The following SLIT3 variants were observed in gnomAD, a reference collection of about 807,000 sequenced individuals.
SLIT3 encodes the protein slit guidance ligand 3.
A neutral mutation model predicts 184.0 loss-of-function variants in SLIT3; 68 were observed. The ratio of observed to expected loss-of-function variants is 0.37; its 90% CI spans 0.30 to 0.45. The LOEUF is 0.45. SLIT3 is among the 20% of genes least tolerant of loss of function. The probability of loss-of-function intolerance (pLI) is 1.00; values close to 1 mark genes in which losing one functional copy is unlikely to be tolerated. For missense variants in SLIT3, 1,707 were observed against 2,026.0 expected (o/e 0.84, Z 3.02); for synonymous variants, 831 against 828.6 (o/e 1.00, Z -0.05).
chr5:169,140,300 T>A (rs1374853986), intron 4 of SLIT3, among the ~76,000 whole-genome samples: 3 of 18,560 alleles, frequency 1.6e-4, no homozygotes, highest in African/African-American at 5.7e-4. Flanking sequence ...CCGCCTCTAC[T>A]AAAAATGCAA....
At chr5:168,838,558 C>T (rs561908548) in intron 6 of SLIT3, among the ~76,000 whole-genome samples, 3 of 152,288 alleles carry the variant, frequency 2.0e-5, no homozygotes, top group African/African-American at 7.2e-5. Flanking sequence ...CCAGAGGAAG[C>T]TCAGCTGAAG....
chr5:169,052,406 G>C (rs141247673), intron 4 of SLIT3, among the ~76,000 whole-genome samples: 1 of 152,284 alleles, frequency 6.6e-6, no homozygotes, highest in East Asian at 1.9e-4. Flanking sequence ...ATAGTTAGGA[G>C]ATATTTGTGG....
In SLIT3 at chr5:168,753,104, G is replaced by C. The variant is rs1581039861; in HGVS notation, c.1830-6C>G. 1 of 1,614,026 alleles carries C rather than the reference G, an allele frequency of 6.2e-7. No individual in the cohort carries two copies. Among genetic ancestry groups the C allele is most frequent in the Non-Finnish European group, 8.5e-7 (1 of 1,179,960 alleles). Reference sequence around the variant, plus strand: ...TCAAGTTACTCCTCAGCATCCTACAGGGAGAGGGGTGGGGATGAGAGAGCA... The same window carrying C: ...TCAAGTTACTCCTCAGCATCCTACACGGAGAGGGGTGGGGATGAGAGAGCA... On this transcript the variant is annotated splice_region_variant and splice_polypyrimidine_tract_variant and intron_variant, in intron 17 of 35. Coordinates refer to ENST00000519560, the MANE Select transcript of SLIT3 (RefSeq NM_003062.4).
chr5:168,847,147 G>A, intron 5 of SLIT3, among the ~76,000 whole-genome samples: 1 of 152,146 alleles, frequency 6.6e-6, no homozygotes, highest in East Asian at 1.9e-4. Context: ...TTCAGTGGGT[G>A]GCACAAGTTG....
At chr5:168,723,564 T>G (rs137899581) in intron 21 of SLIT3, among the ~76,000 whole-genome samples, 2 of 152,226 alleles carry the variant, frequency 1.3e-5, no homozygotes, top group African/African-American at 4.8e-5. Context: ...CTTGTTTTAG[T>G]ACTTTTTTCC....
intron 4 of SLIT3, among the ~76,000 whole-genome samples, chr5:169,127,357 C>T (rs1253441591): frequency 6.6e-6 from 1 of 152,160 alleles, no homozygotes; most frequent in Non-Finnish European, 1.5e-5. Flanking sequence ...AAGGAAGCAG[C>T]AGCTGCTAGG....
chr5:169,206,500 T>C (rs1321305304), intron 3 of SLIT3, among the ~76,000 whole-genome samples: 1 of 152,200 alleles, frequency 6.6e-6, no homozygotes, highest in South Asian at 2.1e-4. Flanking sequence ...GGAGGGCAGG[T>C]ACAACTCAGC....
At chr5:168,699,011 C>T (rs569056131) in intron 27 of SLIT3, among the ~76,000 whole-genome samples, 10 of 152,344 alleles carry the variant, frequency 6.6e-5, no homozygotes, top group Admixed American at 2.0e-4. Flanking sequence ...CCCAATCCCT[C>T]GCCTGGGTGG....
At chr5:169,156,933 T>C (rs1300405790) in intron 4 of SLIT3, among the ~76,000 whole-genome samples, 1 of 152,132 alleles carries the variant, frequency 6.6e-6, no homozygotes, top group African/African-American at 2.4e-5. Context: ...TCTCTGGGTT[T>C]TCCTTTTGCT....
chr5:168,706,660 G>A (rs1762380079), intron 26 of SLIT3: 1 of 152,180 alleles, frequency 6.6e-6, no homozygotes, highest in African/African-American at 2.4e-5. Flanking sequence ...AAATGACGGT[G>A]TATGGGTCTG....
intron 16 of SLIT3, among the ~76,000 whole-genome samples, chr5:168,755,114 A>G (rs958498562): frequency 6.6e-6 from 1 of 152,118 alleles, no homozygotes; most frequent in Non-Finnish European, 1.5e-5. Context: ...CCTCAAAACG[A>G]TGGCTGTCGG....
intron 5 of SLIT3, among the ~76,000 whole-genome samples, chr5:168,878,529 G>A (rs1759825043): frequency 6.6e-6 from 1 of 152,212 alleles, no homozygotes; most frequent in African/African-American, 2.4e-5. Flanking sequence ...GCATGGCTGT[G>A]AGAAAAGGAA....
intron 4 of SLIT3, among the ~76,000 whole-genome samples, chr5:168,998,658 C>T (rs999404741): frequency 2.6e-5 from 4 of 151,982 alleles, no homozygotes; most frequent in Admixed American, 6.6e-5. Flanking sequence ...GAGCCGAGAT[C>T]GCACCATTGC....
In SLIT3 at chr5:169,238,090, T is replaced by C. The variant is rs73317683; in HGVS notation, c.341+6615A>G. 5.1e-3 allele frequency among the ~76,000 whole-genome samples: 779 copies of C among 152,334 alleles called. 6 individuals carry two copies. The highest frequency in any genetic ancestry group is 0.018 in the African/African-American group (743 of 41,588). ...ATGTGTGTGTCTATTTTTTCACAAA[T>C]ATCATGCTGTCTGGATTACTATAGC... On this transcript the variant is annotated intron_variant, in intron 3 of 35. Transcript: ENST00000519560.
At chr5:168,785,500 T>G (rs562108940) in intron 12 of SLIT3, among the ~76,000 whole-genome samples, 6 of 152,356 alleles carry the variant, frequency 3.9e-5, no homozygotes, top group African/African-American at 1.4e-4. Flanking sequence ...CAAGGTCACA[T>G]GTCCATCAGC....
Position 168,687,139 on chromosome 5 carries a change from G to A in SLIT3, c.3177-23C>T, listed in dbSNP as rs1761771537. 4.4e-6 allele frequency: 7 copies of A among 1,608,312 alleles called. 1 individual carries two copies. Among genetic ancestry groups the A allele is most frequent in the Non-Finnish European group, 5.1e-6 (6 of 1,175,004 alleles). On this transcript the variant is annotated intron_variant, in intron 29 of 35. Transcript: ENST00000519560. ...CAGCTGGAACATAGGCAGAGGCAAG[G>A]CCGTTCCTCAAGGCAAAGCCAGCTT...
At chr5:169,279,165 T>C (rs1303396494) in intron 1 of SLIT3, among the ~76,000 whole-genome samples, 5 of 152,164 alleles carry the variant, frequency 3.3e-5, no homozygotes, top group Admixed American at 3.3e-4. Flanking sequence ...AAAATACAGC[T>C]TCTGGGCCCA....
At chr5:168,798,217 C>G (rs146281296) in intron 9 of SLIT3, among the ~76,000 whole-genome samples, 1 of 81,132 alleles carries the variant, frequency 1.2e-5, no homozygotes, top group African/African-American at 7.3e-5. Context: ...TTTTCTTCTT[C>G]TTCTTCTTTT....
intron 1 of SLIT3, among the ~76,000 whole-genome samples, chr5:169,270,563 G>A (rs1481226392): frequency 6.6e-6 from 1 of 152,112 alleles, no homozygotes; most frequent in African/African-American, 2.4e-5. Context: ...CACGCGACAG[G>A]GGCAGAGTTG....
Sources: allele counts gnomAD v4.1 joint callset (sites outside exome capture counted in the v4.1 genomes callset), GRCh38; gene constraint gnomAD v4.1.1; transcripts MANE v1.5; gene names NCBI Gene and HGNC (gene_info 2026-07-23, HGNC 2026-07-21).